The following CALB2 variants were observed in gnomAD, a reference collection of about 807,000 sequenced individuals.
CALB2 encodes calretinin.
CALB2 carries 34 observed loss-of-function variants against 45.9 expected under a neutral mutation model. That is an observed-to-expected ratio of 0.74 (90% CI 0.56 to 0.99). The LOEUF (loss-of-function observed/expected upper bound fraction) is 0.99, where lower values mean the gene tolerates loss of function less well. Ranked by LOEUF, CALB2 falls within the 50% of genes least tolerant of loss-of-function variation. The pLI is 0.00. For missense variants in CALB2, 344 were observed against 339.3 expected (o/e 1.01, Z -0.11); for synonymous variants, 142 against 129.6 (o/e 1.10, Z -0.65).
At chr16:71,383,877 AC>A in intron 6 of CALB2, 92 bp from the exon 7 acceptor site, 2 of 1,421,706 alleles carry the variant, frequency 1.4e-6, no homozygotes, top group Non-Finnish European at 2.0e-6. Context: ...AGCACGTGTC[AC>A]CCGTCCTCCT....
At chr16:71,358,915 A>T in intron 1 of CALB2, 29 bp downstream of exon 1, 4 of 1,595,202 alleles carry the variant, frequency 2.5e-6, no homozygotes, top group Non-Finnish European at 3.4e-6. Flanking sequence ...TTCTGTGCCC[A>T]TTGGCACCCA....
At chr16:71,361,362 C>G (rs1708214867) in intron 1 of CALB2, among the ~76,000 whole-genome samples, 2 of 152,250 alleles carry the variant, frequency 1.3e-5, no homozygotes, top group South Asian at 4.1e-4. Context: ...CCTTCCTCCC[C>G]TCCTGAACAC....
chr16:71,370,652 T>A (rs907874086), intron 1 of CALB2, among the ~76,000 whole-genome samples: 1 of 152,054 alleles, frequency 6.6e-6, no homozygotes, highest in African/African-American at 2.4e-5. Flanking sequence ...GCCCAGGATT[T>A]TGGGGCGGTA....
At chr16:71,388,346 A>AAAAAAG (rs1555527411) in intron 10 of CALB2, among the ~76,000 whole-genome samples, 4,506 of 136,702 alleles carry the variant, frequency 0.033, 303 homozygotes, top group African/African-American at 0.11. Context: ...AAAAAAAAAA[A>AAAAAAG]AAAAAGAAAA....
intron 1 of CALB2, among the ~76,000 whole-genome samples, chr16:71,371,391 C>T (rs1216698706): frequency 3.3e-5 from 5 of 152,152 alleles, no homozygotes; most frequent in African/African-American, 9.7e-5. Context: ...TAGCAAGGCA[C>T]TACAAACTGG....
intron 3 of CALB2, among the ~76,000 whole-genome samples, chr16:71,377,030 A>G (rs1049412218): frequency 4.6e-5 from 7 of 152,176 alleles, no homozygotes; most frequent in East Asian, 1.9e-4. Context: ...CACTTCACCA[A>G]CGTAGACTCA....
chr16:71,383,391 A>G lies in CALB2; in HGVS notation c.424A>G (p.Lys142Glu), dbSNP rs2042523141. ...LKGFLSDLLK[K>E]ANRPYDEPKL... ...GGGATTCCTGTCAGACCTGCTGAAG[A>G]AGGCGAACCGGCCGTACGATGAGCC... The change falls in exon 6 of 11, where the codon AAG becomes GAG. Residue 142 changes from lysine to glutamate, a missense_variant. Lys to Glu is a moderately conservative substitution (Grantham distance 56, BLOSUM62 1). Transcript: ENST00000302628. 5 of 1,614,150 alleles carry G rather than the reference A, an allele frequency of 3.1e-6. No individual in the cohort carries two copies. Among genetic ancestry groups the G allele is most frequent in the African/African-American group, 2.7e-5 (2 of 75,046 alleles).
chr16:71,383,347 A>C lies in CALB2; in HGVS notation c.400-20A>C, dbSNP rs1199999943. On this transcript the variant is annotated intron_variant, in intron 5 of 10. Transcript: ENST00000302628. ...CGAATGCACGAGTCAGGAGTACTAA[A>C]GAGGCCTTTTGTGTTGCAGGGATTC... The C allele has an allele frequency of 1.2e-6, 2 of 1,612,672 alleles. No homozygotes were observed. The highest frequency in any genetic ancestry group is 1.7e-5 in the Admixed American group (1 of 59,998).
chr16:71,365,200 C>T (rs1195935728), intron 1 of CALB2, among the ~76,000 whole-genome samples: 2 of 152,204 alleles, frequency 1.3e-5, no homozygotes, highest in African/African-American at 2.4e-5. Context: ...GACCGACAAG[C>T]GGCCTGGCCT....
In CALB2 at chr16:71,389,806, G is replaced by A. The variant is rs777966081; in HGVS notation, c.757G>A (p.Ala253Thr). 3 of 1,614,104 alleles carry A rather than the reference G, an allele frequency of 1.9e-6. No homozygotes were observed. The highest frequency in any genetic ancestry group is 2.5e-6 in the Non-Finnish European group (3 of 1,180,020). ...AAAGAGCGTCATGTCCTTGGCAGAGGCAGGGAAGCTCTACCGCAAGGACCT... is the reference window on the plus strand; with the variant it reads ...AAAGAGCGTCATGTCCTTGGCAGAGACAGGGAAGCTCTACCGCAAGGACCT... The part of the protein sequence containing the change: ...YRKSVMSLAE[A>T]GKLYRKDLEI... The change falls in exon 11 of 11, where the codon GCA becomes ACA. Residue 253 changes from alanine to threonine, a missense_variant. Around this residue, in one of 3 missense-constraint regions of CALB2, gnomAD observed 263 missense variants for 241.7 expected, o/e 1.09. Transcript: ENST00000302628.
In CALB2 at chr16:71,383,347, A is replaced by G; in HGVS notation, c.400-20A>G. 7 of 1,612,672 alleles carry G rather than the reference A, an allele frequency of 4.3e-6. No homozygotes were observed. The highest frequency in any genetic ancestry group is 5.9e-6 in the Non-Finnish European group (7 of 1,178,808). ...CGAATGCACGAGTCAGGAGTACTAA[A>G]GAGGCCTTTTGTGTTGCAGGGATTC... is the stretch of plus-strand genomic sequence containing the variant. On this transcript the variant is annotated intron_variant, in intron 5 of 10. Coordinates refer to ENST00000302628, the MANE Select transcript of CALB2 (RefSeq NM_001740.5).
In CALB2 at chr16:71,377,638, C is replaced by T. The variant is rs537029177; in HGVS notation, c.262-29C>T. The T allele has an allele frequency of 4.9e-5, 76 of 1,544,342 alleles. 1 individual carries two copies. The highest frequency in any genetic ancestry group is 2.9e-4 in the African/African-American group (21 of 73,600). ...TGCTCCCTGTCAAGTCCCTCCATAACGTTAGTGTCGCTCTCTGTATCTTCA... is the reference window on the plus strand; with the variant it reads ...TGCTCCCTGTCAAGTCCCTCCATAATGTTAGTGTCGCTCTCTGTATCTTCA... On this transcript the variant is annotated intron_variant, in intron 3 of 10. Coordinates refer to ENST00000302628, the MANE Select transcript of CALB2 (RefSeq NM_001740.5).
At chr16:71,371,713 G>A (rs555440113) in intron 1 of CALB2, among the ~76,000 whole-genome samples, 2 of 152,074 alleles carry the variant, frequency 1.3e-5, no homozygotes, top group Non-Finnish European at 2.9e-5. Flanking sequence ...AATGACATCT[G>A]CAATGACCCT....
rs1457200342 is a variant in CALB2 at position 71,382,756 on chromosome 16, T to A, written c.380T>A (p.Ile127Asn). ...TACGACACAGACAGGAGTGGCTACATCGAAGCCAATGAGCTCAAGGTAGGA... is the reference window on the plus strand; with the variant it reads ...TACGACACAGACAGGAGTGGCTACAACGAAGCCAATGAGCTCAAGGTAGGA... ...RKYDTDRSGY[I>N]EANELKGFLS... Residue 127 changes from isoleucine (I) to asparagine (N), a missense_variant, in exon 5 of 11, where the codon ATC becomes AAC. Ile to Asn is a moderately radical substitution (Grantham distance 149, BLOSUM62 -3). Transcript: ENST00000302628. 6.2e-7 allele frequency: 1 copy of A among 1,612,000 alleles called. No homozygotes were observed.
At chr16:71,366,729 T>A (rs775998755) in intron 1 of CALB2, among the ~76,000 whole-genome samples, 4 of 152,088 alleles carry the variant, frequency 2.6e-5, no homozygotes, top group Non-Finnish European at 4.4e-5. Context: ...GAGGAGGGAG[T>A]ATAAATGGAA....
rs2042612920 is a variant in CALB2 at position 71,389,626 on chromosome 16, C to T, written c.700-123C>T. On this transcript the variant is annotated intron_variant, in intron 10 of 10. Transcript: ENST00000302628. ...AATCCATGCTTTGCATTCATCTAAG[C>T]CACTTATCCTGGGATGAGATGAGAG... 9 of 785,718 alleles carry T rather than the reference C, an allele frequency of 1.1e-5. No individual in the cohort carries two copies. In the South Asian group the frequency reaches 1.2e-4, roughly 11 times the overall value. The allele number at this position is 785,718 out of a possible 1,614,324, so 48.7% of individuals were successfully genotyped here. A position where few individuals can be genotyped will look rare whatever the true frequency, so the allele number is the denominator to read the frequency against.
chr16:71,384,489 C>CCA lies in CALB2; in HGVS notation c.573+122_573+123dup, dbSNP rs897078568. 33 of 868,184 alleles carry CCA rather than the reference C, an allele frequency of 3.8e-5. 1 individual carries two copies. Among genetic ancestry groups the CCA allele is most frequent in the Admixed American group, 2.1e-4 (12 of 57,288 alleles). 53.8% of individuals were successfully genotyped at this position (868,184 alleles called of 1,614,324 possible). On this transcript the variant is annotated intron_variant, in intron 8 of 10. Transcript: ENST00000302628. ...AACACACTACACACACCCACACACA[C>CCA]CACACACACACAAAACACACCACAC...
intron 4 of CALB2, among the ~76,000 whole-genome samples, chr16:71,382,492 G>C (rs1181713444): frequency 6.6e-6 from 1 of 152,228 alleles, no homozygotes; most frequent in Non-Finnish European, 1.5e-5. Context: ...AAACAGCTTA[G>C]CTGCGTGGTT....
intron 4 of CALB2, among the ~76,000 whole-genome samples, chr16:71,382,419 A>G (rs2144994937): frequency 6.6e-6 from 1 of 152,324 alleles, no homozygotes; most frequent in Middle Eastern, 3.4e-3. Context: ...ACTGCCCCTA[A>G]AACTTAGCAG....
Sources: allele counts gnomAD v4.1 joint callset (sites outside exome capture counted in the v4.1 genomes callset), GRCh38; gene constraint gnomAD v4.1.1; regional missense constraint gnomAD v4.1.1; transcripts MANE v1.5; gene names NCBI Gene and HGNC (gene_info 2026-07-23, HGNC 2026-07-21).